Variants in PI4K2B observed in about 807,000 individuals in gnomAD.
PI4K2B encodes phosphatidylinositol 4-kinase type 2-beta.
Under a neutral mutation model 56.6 loss-of-function variants are expected in PI4K2B, and 46 were observed. The observed-to-expected ratio is 0.81, with a 90% CI of 0.64 to 1.04. PI4K2B has a LOEUF of 1.04. Ranked by LOEUF, PI4K2B falls within the 50% of genes least tolerant of loss-of-function variation. The pLI, the probability that PI4K2B is intolerant of heterozygous loss-of-function variation, is 0.00. For synonymous variants in PI4K2B, 211 were observed against 223.8 expected (o/e 0.94, Z 0.51); for missense variants, 556 against 607.7 (o/e 0.91, Z 0.89).
At chr4:25,249,773 C>CT (rs1387211133) in intron 1 of PI4K2B, among the ~76,000 whole-genome samples, 1 of 150,278 alleles carries the variant, frequency 6.7e-6, no homozygotes, top group East Asian at 2.0e-4. Flanking sequence ...ACATCCCAGA[C>CT]GATGGGCGGC....
chr4:25,272,144 T>TAA (rs35829522), intron 9 of PI4K2B, among the ~76,000 whole-genome samples: 2 of 141,556 alleles, frequency 1.4e-5, no homozygotes, highest in African/African-American at 2.6e-5. Flanking sequence ...GACCTTGTCT[T>TAA]AAAAAAAAAA....
chr4:25,256,633 A>G lies in PI4K2B; in HGVS notation c.715A>G (p.Lys239Glu), dbSNP rs1412940527. 6 of 1,613,888 alleles carry G rather than the reference A, an allele frequency of 3.7e-6. No homozygotes were observed. In the African/African-American group the frequency reaches 4.0e-5, roughly 11 times the overall value. ...GKKYALEKVP[K>E]VGRKFHRIGL... ...AAAGTATGCTTTAGAAAAAGTGCCA[A>G]AAGTGGGTAGAAAGTTTCATAGGAT... is the stretch of plus-strand genomic sequence containing the variant. Residue 239 changes from lysine to glutamate, a missense_variant, in exon 4 of 10, where the codon AAA becomes GAA. Transcript: ENST00000264864.
intron 7 of PI4K2B, among the ~76,000 whole-genome samples, chr4:25,266,909 A>G (rs538148762): frequency 6.6e-6 from 1 of 152,218 alleles, no homozygotes; most frequent in Non-Finnish European, 1.5e-5. Context: ...TATTCAGTGA[A>G]TGTTTTATGA....
intron 1 of PI4K2B, among the ~76,000 whole-genome samples, chr4:25,239,433 C>CAAGTGCCACATG (rs1560365518): frequency 8.6e-6 from 1 of 116,536 alleles, no homozygotes; most frequent in Non-Finnish European, 2.2e-5. Flanking sequence ...ACGGTGCCGG[C>CAAGTGCCACATG]CCAGGGGGAC....
chr4:25,278,903 G>C lies in PI4K2B; in HGVS notation c.*1716G>C, dbSNP rs1180394008. 1 of 152,542 alleles carries C rather than the reference G, an allele frequency of 6.6e-6. No individual in the cohort carries two copies. The allele number at this position is 152,542 out of a possible 1,614,324, so 9.4% of individuals were successfully genotyped here. A position where few individuals can be genotyped will look rare whatever the true frequency, so the allele number is the denominator to read the frequency against. On this transcript the variant is annotated 3_prime_UTR_variant, in exon 10 of 10. Transcript: ENST00000264864. The stretch of plus-strand genomic sequence containing the variant: ...AATACCATGGTAATATTTGCAAAAG[G>C]TCTGGCCATACCAGAAAAGTACAGT...
At chr4:25,247,214 G>A (rs1715825802) in intron 1 of PI4K2B, among the ~76,000 whole-genome samples, 1 of 152,234 alleles carries the variant, frequency 6.6e-6, no homozygotes, top group Admixed American at 6.5e-5. Flanking sequence ...TGATAATCTG[G>A]TTTAGTTTAG....
chr4:25,241,102 G>A (rs2109084903), intron 1 of PI4K2B, among the ~76,000 whole-genome samples: 1 of 152,358 alleles, frequency 6.6e-6, no homozygotes, highest in African/African-American at 2.4e-5. Context: ...GTGGTATTTA[G>A]TGGGGGTTCC....
Position 25,277,073 on chromosome 4 carries a change from AC to A in PI4K2B, c.1334del (p.Pro445LeufsTer3). 6.2e-7 allele frequency: 1 copy of A among 1,613,740 alleles called. No homozygotes were observed. The highest frequency in any genetic ancestry group is 2.2e-5 in the East Asian group (1 of 44,868). On this transcript the variant is annotated frameshift_variant, in exon 10 of 10. Transcript: ENST00000264864. LOFTEE classifies it high-confidence loss of function. ...AGAGTCCTTTCCAGCTAGTACAGATACCTTGTGTGATTGTGGAACGCAGTCA... is the reference window on the plus strand; with the variant it reads ...AGAGTCCTTTCCAGCTAGTACAGATACTTGTGTGATTGTGGAACGCAGTCA... ...GKSPFQLVQI[P>X]CVIVERSQGG...
Position 25,255,195 on chromosome 4 carries a change from G to A in PI4K2B, c.554G>A (p.Gly185Glu). 1 of 1,613,998 alleles carries A rather than the reference G, an allele frequency of 6.2e-7. No homozygotes were observed. Among genetic ancestry groups the A allele is most frequent in the East Asian group, 2.2e-5 (1 of 44,870 alleles). ...CGAGGCTGCCTGATTCCTAATCAGG[G>A]GTACCTTTCCGAAGCGGGTGCCTAT... Reference protein sequence around the residue: ...FGRGCLIPNQGYLSEAGAYLV... With the variant: ...FGRGCLIPNQEYLSEAGAYLV... The change falls in exon 3 of 10, where the codon GGG (glycine) becomes GAG (glutamate). Residue 185 changes from glycine to glutamate, a missense_variant. By Grantham distance (98) the Gly-to-Glu change is moderately conservative. Coordinates refer to ENST00000264864, the MANE Select transcript of PI4K2B (RefSeq NM_018323.4).
intron 1 of PI4K2B, among the ~76,000 whole-genome samples, chr4:25,249,706 G>C (rs887261632): frequency 6.6e-6 from 1 of 151,954 alleles, no homozygotes; most frequent in Non-Finnish European, 1.5e-5. Flanking sequence ...CGGGGTGGCG[G>C]CCGGGCAGAG....
At position 25,234,064 on chromosome 4, in the gene PI4K2B, C is replaced by T; in HGVS notation, c.-100C>T. 4 of 1,030,246 alleles carry T rather than the reference C, an allele frequency of 3.9e-6. No homozygotes were observed. Among genetic ancestry groups the T allele is most frequent in the East Asian group, 3.3e-5 (1 of 30,656 alleles). 63.8% of individuals were successfully genotyped at this position (1,030,246 alleles called of 1,614,324 possible). A position where few individuals can be genotyped will look rare whatever the true frequency, so the allele number is the denominator to read the frequency against. On this transcript the variant is annotated 5_prime_UTR_variant, in exon 1 of 10. Coordinates refer to ENST00000264864, the MANE Select transcript of PI4K2B (RefSeq NM_018323.4). ...GCCCGTGCGCTGGTGAGGTGGCGTC[C>T]GTTCTACCCGGTCGCTCCCGTTCCG...
rs918354507 is a variant in PI4K2B, at chr4:25,234,200, G to A, written c.37G>A (p.Ala13Thr). The A allele has an allele frequency of 1.4e-6, 2 of 1,404,672 alleles. No homozygotes were observed. The highest frequency in any genetic ancestry group is 2.9e-5 in the Admixed American group (1 of 34,194). The allele number at this position is 1,404,672 out of a possible 1,614,324, so 87.0% of individuals were successfully genotyped here. A position where few individuals can be genotyped will look rare whatever the true frequency, so the allele number is the denominator to read the frequency against. Residue 13 changes from alanine to threonine, a missense_variant, in exon 1 of 10, where the codon GCG (alanine) becomes ACG (threonine). Transcript: ENST00000264864. ...CTCCGAGCCCGACCGGTTGGCGTCC[G>A]CGGACGGCGGGAGCCCGGAGGAGGA... ...DPSEPDRLASADGGSPEEEED... is the reference protein window; with the variant it reads ...DPSEPDRLASTDGGSPEEEED...
intron 1 of PI4K2B, among the ~76,000 whole-genome samples, chr4:25,244,368 T>A (rs1367591500): frequency 6.6e-6 from 1 of 152,168 alleles, no homozygotes; most frequent in African/African-American, 2.4e-5. Context: ...AGTCCTCCTG[T>A]GGGATGTAAG....
intron 8 of PI4K2B, 132 bp from the exon 9 acceptor site, chr4:25,269,012 A>G: frequency 3.7e-6 from 2 of 537,908 alleles, no homozygotes; most frequent in Non-Finnish European, 6.6e-6. Flanking sequence ...TAAAAATACT[A>G]TTTTTGTTTT....
intron 1 of PI4K2B, among the ~76,000 whole-genome samples, chr4:25,251,195 A>G (rs1716033877): frequency 6.6e-6 from 1 of 152,192 alleles, no homozygotes; most frequent in Non-Finnish European, 1.5e-5. Context: ...GGGCCATTCC[A>G]AAGTTAAGTA....
At chr4:25,273,132 T>G (rs928769492) in intron 9 of PI4K2B, among the ~76,000 whole-genome samples, 26 of 1,594 alleles carry the variant, frequency 0.016, no homozygotes, top group African/African-American at 0.15. Flanking sequence ...ATATGAAAGT[T>G]TTTTTTTTTT....
At chr4:25,254,472 G>A (rs1716180330) in intron 2 of PI4K2B, 1 of 196,836 alleles carries the variant, frequency 5.1e-6, no homozygotes, top group African/African-American at 2.4e-5. Flanking sequence ...GGAGTGCAGT[G>A]GTGCGATCTC....
At chr4:25,267,190 T>C (rs1716697849) in intron 7 of PI4K2B, among the ~76,000 whole-genome samples, 1 of 152,114 alleles carries the variant, frequency 6.6e-6, no homozygotes. Context: ...CTGGTGGCCT[T>C]AGGAGAGAGT....
At chr4:25,254,854 G>A (rs1716196776) in intron 2 of PI4K2B, among the ~76,000 whole-genome samples, 1 of 152,136 alleles carries the variant, frequency 6.6e-6, no homozygotes, top group Admixed American at 6.5e-5. Context: ...AACTGGTCTT[G>A]ATTTTAGATT....
Sources: allele counts gnomAD v4.1 joint callset (sites outside exome capture counted in the v4.1 genomes callset), GRCh38; gene constraint gnomAD v4.1.1; transcripts MANE v1.5; gene names NCBI Gene and HGNC (gene_info 2026-07-23, HGNC 2026-07-21).